Variants in CNTNAP2 observed in about 807,000 individuals in gnomAD.
CNTNAP2 encodes the protein contactin associated protein 2.
Under a neutral mutation model 155.2 loss-of-function variants are expected in CNTNAP2, and 98 were observed. That is an observed-to-expected ratio of 0.63 (90% CI 0.54 to 0.75). The LOEUF is 0.75. CNTNAP2 is among the 30% of genes least tolerant of loss of function. The pLI, the probability that CNTNAP2 is intolerant of heterozygous loss-of-function variation, is 0.00. For missense variants in CNTNAP2, 1,727 were observed against 1,688.1 expected, an observed-to-expected ratio of 1.02 and a Z score of -0.40; for synonymous variants, 651 against 631.2, an observed-to-expected ratio of 1.03 and a Z score of -0.47.
At chr7:147,063,537 A>G (rs1380742336) in intron 4 of CNTNAP2, among the ~76,000 whole-genome samples, 1 of 152,144 alleles carries the variant, frequency 6.6e-6, no homozygotes, top group Non-Finnish European at 1.5e-5. Flanking sequence ...TAATTGTTGT[A>G]TGCCCAGTGG....
At chr7:146,537,865 GAGGT>G (rs1797893462) in intron 1 of CNTNAP2, among the ~76,000 whole-genome samples, 2 of 152,206 alleles carry the variant, frequency 1.3e-5, no homozygotes, top group South Asian at 4.1e-4. Flanking sequence ...AGCAGGCATA[GAGGT>G]AGGTAGATTG....
At chr7:148,220,108 C>T (rs931138906) in intron 19 of CNTNAP2, among the ~76,000 whole-genome samples, 5 of 152,228 alleles carry the variant, frequency 3.3e-5, no homozygotes, top group African/African-American at 7.2e-5. Context: ...CATAATGTTT[C>T]GTTTTGTTTT....
At chr7:148,312,913 AGT>A (rs1797619304) in intron 21 of CNTNAP2, among the ~76,000 whole-genome samples, 1 of 118,050 alleles carries the variant, frequency 8.5e-6, no homozygotes, top group Admixed American at 9.2e-5. Flanking sequence ...GGGAGATACA[AGT>A]GGGGGGGATG....
At chr7:147,828,269 T>C (rs759329603) in intron 13 of CNTNAP2, among the ~76,000 whole-genome samples, 1 of 152,150 alleles carries the variant, frequency 6.6e-6, no homozygotes, top group African/African-American at 2.4e-5. Flanking sequence ...ATACAGATTG[T>C]AGGGAGCAGA....
At chr7:147,862,096 G>A (rs987756813) in intron 13 of CNTNAP2, among the ~76,000 whole-genome samples, 4 of 150,632 alleles carry the variant, frequency 2.7e-5, no homozygotes, top group Non-Finnish European at 4.4e-5. Flanking sequence ...TCTAATCACC[G>A]ATGAAACAGT....
At chr7:148,404,988 T>C (rs1331243815) in intron 22 of CNTNAP2, among the ~76,000 whole-genome samples, 1 of 152,152 alleles carries the variant, frequency 6.6e-6, no homozygotes, top group Non-Finnish European at 1.5e-5. Flanking sequence ...TTTTTATGGT[T>C]ACAGGACTGG....
At chr7:148,276,708 G>A (rs1796876040) in intron 21 of CNTNAP2, among the ~76,000 whole-genome samples, 1 of 152,226 alleles carries the variant, frequency 6.6e-6, no homozygotes, top group Admixed American at 6.5e-5. Flanking sequence ...AAGGAAGGAT[G>A]TTTTTTAATC....
chr7:147,565,603 T>G (rs542698656), intron 12 of CNTNAP2, among the ~76,000 whole-genome samples: 1 of 152,212 alleles, frequency 6.6e-6, no homozygotes, highest in African/African-American at 2.4e-5. Flanking sequence ...AATTGATACA[T>G]TTTTAGATCT....
At chr7:148,370,801 C>T (rs911405290) in intron 21 of CNTNAP2, among the ~76,000 whole-genome samples, 8 of 152,128 alleles carry the variant, frequency 5.3e-5, no homozygotes, top group African/African-American at 1.9e-4. Flanking sequence ...GTTGAGCATC[C>T]TTCCATTAAT....
intron 3 of CNTNAP2, among the ~76,000 whole-genome samples, chr7:146,861,939 G>T (rs898449621): frequency 6.6e-6 from 1 of 152,086 alleles, no homozygotes; most frequent in African/African-American, 2.4e-5. Context: ...GGAATGGAGG[G>T]ATTATTATTC....
intron 20 of CNTNAP2, among the ~76,000 whole-genome samples, chr7:148,260,339 T>C (rs1239323275): frequency 6.6e-6 from 1 of 152,212 alleles, no homozygotes; most frequent in Non-Finnish European, 1.5e-5. Context: ...ACTCTGTGAC[T>C]GGACACTTTA....
chr7:148,323,117 T>G (rs1266571902), intron 21 of CNTNAP2, among the ~76,000 whole-genome samples: 1 of 152,080 alleles, frequency 6.6e-6, no homozygotes, highest in African/African-American at 2.4e-5. Context: ...CAGACAATCC[T>G]GTCCTATCAC....
chr7:148,095,910 A>G (rs117999900), intron 15 of CNTNAP2, among the ~76,000 whole-genome samples: 163 of 152,338 alleles, frequency 1.1e-3, no homozygotes, highest in Middle Eastern at 6.8e-3. Flanking sequence ...AAGCATGTCA[A>G]CTAGAGCAGG....
chr7:148,320,415 C>G (rs1284545032), intron 21 of CNTNAP2, among the ~76,000 whole-genome samples: 1 of 117,468 alleles, frequency 8.5e-6, no homozygotes, highest in African/African-American at 3.2e-5. Flanking sequence ...ATGGGGTCTC[C>G]ATAGGTCACC....
chr7:148,253,565 G>A (rs1796407874), intron 20 of CNTNAP2, among the ~76,000 whole-genome samples: 1 of 152,186 alleles, frequency 6.6e-6, no homozygotes, highest in African/African-American at 2.4e-5. Flanking sequence ...AAGGTGGCTG[G>A]ACCACAAAAC....
At chr7:146,643,468 G>A (rs1799750151) in intron 1 of CNTNAP2, among the ~76,000 whole-genome samples, 1 of 152,052 alleles carries the variant, frequency 6.6e-6, no homozygotes, top group African/African-American at 2.4e-5. Flanking sequence ...TCAGATAGTT[G>A]TAGATATGCA....
intron 4 of CNTNAP2, among the ~76,000 whole-genome samples, chr7:147,061,606 A>G (rs990629021): frequency 2.0e-5 from 3 of 152,176 alleles, no homozygotes; most frequent in East Asian, 1.9e-4. Flanking sequence ...TAGTTGTGAT[A>G]CTTACAGTGG....
chr7:146,124,753 G>C (rs1797610650), intron 1 of CNTNAP2, among the ~76,000 whole-genome samples: 1 of 152,060 alleles, frequency 6.6e-6, no homozygotes, highest in African/African-American at 2.4e-5. Flanking sequence ...ACCAACTGAA[G>C]AAAACATGAT....
intron 3 of CNTNAP2, among the ~76,000 whole-genome samples, chr7:146,980,209 G>A (rs1292442186): frequency 6.6e-6 from 1 of 151,768 alleles, no homozygotes; most frequent in Non-Finnish European, 1.5e-5. Flanking sequence ...TGTTGGTGGG[G>A]GTTACCTATG....
Sources: allele counts gnomAD v4.1 joint callset (sites outside exome capture counted in the v4.1 genomes callset), GRCh38; gene constraint gnomAD v4.1.1; transcripts MANE v1.5; gene names NCBI Gene and HGNC (gene_info 2026-07-23, HGNC 2026-07-21).